WASHC2A: variants seen among roughly 807,000 people sequenced by gnomAD.
WASHC2A encodes WASH complex subunit FAM21A.
Under a neutral mutation model 140.3 loss-of-function variants are expected in WASHC2A, and 82 were observed. The observed-to-expected ratio is 0.58, with a 90% CI of 0.49 to 0.70. WASHC2A has a LOEUF of 0.70. Ranked by LOEUF, WASHC2A falls within the 30% of genes least tolerant of loss-of-function variation. WASHC2A has a pLI of 0.00. For missense variants in WASHC2A, 985 were observed against 1,521.8 expected, an observed-to-expected ratio of 0.65 and a Z score of 5.87; for synonymous variants, 340 against 560.8, an observed-to-expected ratio of 0.61 and a Z score of 5.56.
intron 8 of WASHC2A, among the ~76,000 whole-genome samples, chr10:50,088,176 A>G (rs1554881624): frequency 6.6e-6 from 1 of 150,688 alleles, no homozygotes; most frequent in African/African-American, 2.4e-5. Flanking sequence ...TTTTAAACAT[A>G]CTGAGTATGA....
chr10:50,080,518 C>T (rs1311780449), intron 4 of WASHC2A, among the ~76,000 whole-genome samples: 1 of 132,796 alleles, frequency 7.5e-6, no homozygotes, highest in Non-Finnish European at 1.6e-5. Flanking sequence ...AGACGATGAC[C>T]CTTGAGCTCT....
Position 50,106,442 on chromosome 10 carries a change from C to G in WASHC2A, c.1846C>G (p.Leu616Val), listed in dbSNP as rs1159306196. Residue 616 changes from leucine (L) to valine (V), a missense_variant, in exon 19 of 31, where the codon CTG (leucine) becomes GTG (valine). Leu to Val is a conservative substitution (Grantham distance 32). Coordinates refer to ENST00000282633, the MANE Select transcript of WASHC2A (RefSeq NM_001005751.3). ...GCTCTCCAAAAAGAAAGCATCTGCC[C>G]TGTTGTTCAGCAGTGATGAGGAGGT... ...SELSKKKASA[L>V]LFSSDEEDQW... The G allele has an allele frequency of 6.2e-7, 1 of 1,611,346 alleles. No homozygotes were observed.
In WASHC2A at chr10:50,097,718, A is replaced by G; in HGVS notation, c.1464A>G (p.Gly488=). 1 of 1,602,824 alleles carries G rather than the reference A, an allele frequency of 6.2e-7. No individual in the cohort carries two copies. Among genetic ancestry groups the G allele is most frequent in the Non-Finnish European group, 8.5e-7 (1 of 1,175,116 alleles). The change falls in exon 16 of 31, where the codon GGA becomes GGG. Residue 488 remains glycine, a synonymous_variant. Transcript: ENST00000282633. ...CCGATATCTTTGGTGACGAAGAAGG[A>G]GATCTGTTCAAAGAAAAAGCCGTAG... ...STADIFGDEE[G]DLFKEKAVAS... is the part of the protein sequence containing the mutation.
chr10:50,101,641 CA>C (rs1346731849), intron 17 of WASHC2A, among the ~76,000 whole-genome samples: 1 of 152,258 alleles, frequency 6.6e-6, no homozygotes, highest in African/African-American at 2.4e-5. Flanking sequence ...CAAATGTGAA[CA>C]ATTTCAGTGA....
intron 17 of WASHC2A, among the ~76,000 whole-genome samples, chr10:50,101,616 A>G (rs61843886): frequency 0.17 from 25,667 of 151,230 alleles, 452 homozygotes; most frequent in East Asian, 0.44. Context: ...GTAATTGTTG[A>G]TTAGACAAGA....
At chr10:50,116,358 C>T (rs1842676045) in intron 21 of WASHC2A, among the ~76,000 whole-genome samples, 1 of 83,618 alleles carries the variant, frequency 1.2e-5, no homozygotes, top group Non-Finnish European at 2.4e-5. Flanking sequence ...CTCTTTCGTC[C>T]AGGCTGGAGT....
At chr10:50,077,112 A>G (rs1389573018) in intron 3 of WASHC2A, among the ~76,000 whole-genome samples, 2 of 118,672 alleles carry the variant, frequency 1.7e-5, no homozygotes, top group Non-Finnish European at 3.7e-5. Context: ...GTGAGACTCC[A>G]TCTCAAAAAA....
At chr10:50,128,628 C>T (rs2669768) in intron 28 of WASHC2A, among the ~76,000 whole-genome samples, 2 of 151,924 alleles carry the variant, frequency 1.3e-5, no homozygotes, top group African/African-American at 2.4e-5. Flanking sequence ...AAAACAAAAC[C>T]GCCTTCCTTT....
chr10:50,104,367 T>C (rs1460523246), intron 18 of WASHC2A, among the ~76,000 whole-genome samples: 1 of 74,504 alleles, frequency 1.3e-5, no homozygotes, highest in African/African-American at 3.6e-5. Context: ...GATGCAGTTC[T>C]TTTTTTTTTT....
At position 50,132,839 on chromosome 10, in the gene WASHC2A, C is replaced by A; in HGVS notation, c.3920C>A (p.Thr1307Lys). 2.5e-6 allele frequency: 4 copies of A among 1,612,016 alleles called. No homozygotes were observed. The highest frequency in any genetic ancestry group is 1.7e-6 in the Non-Finnish European group (2 of 1,179,852). The change falls in exon 31 of 31, where the codon ACA (threonine) becomes AAA (lysine). Residue 1307 changes from threonine to lysine, a missense_variant. Physicochemically the swap from Thr to Lys is moderately conservative, Grantham distance 78. Transcript: ENST00000282633. Reference protein sequence around the residue: ...DIFSSGIQAKTTKPKSRSAQA... With the variant: ...DIFSSGIQAKKTKPKSRSAQA... Reference sequence around the variant, plus strand: ...TTCTCCTCTGGTATCCAGGCTAAGACAACCAAACCAAAAAGCCGATCTGCA... The same window carrying A: ...TTCTCCTCTGGTATCCAGGCTAAGAAAACCAAACCAAAAAGCCGATCTGCA...
chr10:50,103,282 G>A (rs1315244509), intron 17 of WASHC2A, among the ~76,000 whole-genome samples: 8 of 150,818 alleles, frequency 5.3e-5, no homozygotes, highest in Middle Eastern at 3.4e-3. Context: ...TATGTCGGCC[G>A]GGTGTGGTGG....
intron 23 of WASHC2A, among the ~76,000 whole-genome samples, chr10:50,120,384 G>A (rs1418569155): frequency 0.017 from 2,443 of 145,998 alleles, 46 homozygotes; most frequent in Middle Eastern, 0.052. Context: ...CACTTTAGGA[G>A]GCCAAGGTGG....
chr10:50,102,976 C>T (rs1383077526), intron 17 of WASHC2A, among the ~76,000 whole-genome samples: 2 of 151,830 alleles, frequency 1.3e-5, no homozygotes, highest in Non-Finnish European at 2.9e-5. Flanking sequence ...AAGCAATTCT[C>T]CTGCCACAGC....
intron 7 of WASHC2A, among the ~76,000 whole-genome samples, chr10:50,086,157 G>C (rs1383527772): frequency 6.6e-6 from 1 of 151,506 alleles, no homozygotes; most frequent in Non-Finnish European, 1.5e-5. Context: ...GAGAGTCCTC[G>C]AGTATGGGAT....
At chr10:50,090,239 C>T (rs1395650513) in intron 8 of WASHC2A, among the ~76,000 whole-genome samples, 21 of 150,448 alleles carry the variant, frequency 1.4e-4, no homozygotes, top group Non-Finnish European at 2.7e-4. Context: ...TGGTGGCTCA[C>T]GCCTGTAATC....
intron 26 of WASHC2A, 21 bp from the exon 27 acceptor site, chr10:50,127,139 A>G: frequency 1.2e-6 from 2 of 1,612,030 alleles, no homozygotes; most frequent in Non-Finnish European, 1.7e-6. Flanking sequence ...TGGATTTTTA[A>G]CTGGATGTAA....
At chr10:50,127,970 C>T (rs1589287470) in intron 28 of WASHC2A, among the ~76,000 whole-genome samples, 175 bp downstream of exon 28, 2 of 152,110 alleles carry the variant, frequency 1.3e-5, no homozygotes, top group African/African-American at 2.4e-5. Flanking sequence ...TCATCCTGCA[C>T]CTGCTTTTCC....
chr10:50,076,847 G>T (rs1449352922), intron 3 of WASHC2A, among the ~76,000 whole-genome samples: 1 of 151,022 alleles, frequency 6.6e-6, no homozygotes, highest in Non-Finnish European at 1.5e-5. Context: ...GCCGGGCATG[G>T]TGGCTCACAC....
chr10:50,117,972 C>A lies in WASHC2A; in HGVS notation c.2209C>A (p.Leu737Ile). 6.3e-7 allele frequency: 1 copy of A among 1,584,204 alleles called. No homozygotes were observed. Among genetic ancestry groups the A allele is most frequent in the Non-Finnish European group, 8.6e-7 (1 of 1,157,784 alleles). ...FSDEEEKEAQLGVKSVDKKVE... is the reference protein window; with the variant it reads ...FSDEEEKEAQIGVKSVDKKVE... ...CGATGAAGAAGAGAAGGAGGCACAA[C>A]TTGGAGTGAAGTCTGTGGATAAGAA... The change falls in exon 22 of 31, where the codon CTT becomes ATT. Residue 737 changes from leucine to isoleucine, a missense_variant. By Grantham distance (5) the Leu-to-Ile change is conservative. Coordinates refer to ENST00000282633, the MANE Select transcript of WASHC2A (RefSeq NM_001005751.3).
Sources: allele counts gnomAD v4.1 joint callset (sites outside exome capture counted in the v4.1 genomes callset), GRCh38; gene constraint gnomAD v4.1.1; transcripts MANE v1.5; gene names NCBI Gene and HGNC (gene_info 2026-07-23, HGNC 2026-07-21).